DOCK5: variants seen among roughly 807,000 people sequenced by gnomAD.
DOCK5 encodes the protein dedicator of cytokinesis protein 5.
A neutral mutation model predicts 251.8 loss-of-function variants in DOCK5; 142 were observed. That is an observed-to-expected ratio of 0.56 (90% confidence interval 0.49 to 0.65). DOCK5 has a LOEUF of 0.65. Ranked by LOEUF, DOCK5 falls within the 30% of genes least tolerant of loss-of-function variation. The probability of loss-of-function intolerance (pLI) is 0.00; values close to 1 mark genes in which losing one functional copy is unlikely to be tolerated. For missense variants in DOCK5, 2,111 were observed against 2,312.3 expected, an observed-to-expected ratio of 0.91 and a Z score of 1.79; for synonymous variants, 842 against 835.5, an observed-to-expected ratio of 1.01 and a Z score of -0.13.
chr8:25,275,581 T>A, intron 4 of DOCK5, 140 bp downstream of exon 4: 1 of 808,526 alleles, frequency 1.2e-6, no homozygotes, highest in Non-Finnish European at 1.9e-6. Context: ...ACGCCTGTAA[T>A]CCCAGCACTT....
In DOCK5 at chr8:25,384,463, A is replaced by ATTTATTTATT. The variant is rs1400363524; in HGVS notation, c.4131+1688_4131+1689insATTTATTTTT. On this transcript the variant is annotated intron_variant, in intron 40 of 51. Coordinates refer to ENST00000276440, the MANE Select transcript of DOCK5 (RefSeq NM_024940.8). ...TATTTATTTATTTATTTATTTATTT[A>ATTTATTTATT]TTTTTTTTTTTTTTGAGACAGTGTC... Among the ~76,000 whole-genome samples the ATTTATTTATT allele has an allele frequency of 4.2e-4, 57 of 135,700 alleles. 1 individual carries two copies. The South Asian group carries it at 0.013, about 31-fold the overall frequency. 89.0% of individuals were successfully genotyped at this position (135,700 alleles called of 152,430 possible).
At chr8:25,395,994 G>T (rs1484201798) in intron 45 of DOCK5, 3 of 494,526 alleles carry the variant, frequency 6.1e-6, no homozygotes, top group Non-Finnish European at 1.1e-5. Context: ...TCCCCTGAGG[G>T]TTATACAAAC....
At chr8:25,235,677 G>A (rs146509515) in intron 1 of DOCK5, among the ~76,000 whole-genome samples, 1 of 152,018 alleles carries the variant, frequency 6.6e-6, no homozygotes, top group African/African-American at 2.4e-5. Context: ...CTGCCAGTGA[G>A]GCAATCAAGA....
At chr8:25,306,163 G>A (rs1804918610) in intron 11 of DOCK5, among the ~76,000 whole-genome samples, 1 of 151,420 alleles carries the variant, frequency 6.6e-6, no homozygotes, top group Non-Finnish European at 1.5e-5. Context: ...TAAAATATAA[G>A]GTAAAAATAG....
chr8:25,390,585 G>A (rs1485447823), intron 42 of DOCK5, among the ~76,000 whole-genome samples: 1 of 152,126 alleles, frequency 6.6e-6, no homozygotes, highest in Non-Finnish European at 1.5e-5. Flanking sequence ...AAAGGGATGT[G>A]GGGGTTTTGG....
At chr8:25,219,060 C>A (rs531326046) in intron 1 of DOCK5, among the ~76,000 whole-genome samples, 1 of 152,060 alleles carries the variant, frequency 6.6e-6, no homozygotes, top group African/African-American at 2.4e-5. Flanking sequence ...TGTGATTCAT[C>A]GGTTTTAGGC....
Position 25,378,107 on chromosome 8 carries a change from C to T in DOCK5, c.3936+683C>T, listed in dbSNP as rs1323958804. 2.6e-5 allele frequency among the ~76,000 whole-genome samples: 4 copies of T among 152,206 alleles called. No homozygotes were observed. The East Asian group carries it at 7.7e-4, about 29-fold the overall frequency. On this transcript the variant is annotated intron_variant, in intron 38 of 51. Coordinates refer to ENST00000276440, the MANE Select transcript of DOCK5 (RefSeq NM_024940.8). ...CTACACAATGAACTTGATCTTTAGC[C>T]TTCCTTTTGTCCCTGAAGATTGGGC...
At chr8:25,291,288 G>A (rs1453728097) in intron 5 of DOCK5, among the ~76,000 whole-genome samples, 1 of 152,078 alleles carries the variant, frequency 6.6e-6, no homozygotes, top group Non-Finnish European at 1.5e-5. Flanking sequence ...AGGGGAGGGT[G>A]TAGAAATGGC....
intron 1 of DOCK5, among the ~76,000 whole-genome samples, chr8:25,197,517 C>T (rs975711112): frequency 1.3e-5 from 2 of 151,108 alleles, no homozygotes; most frequent in African/African-American, 4.9e-5. Context: ...TGTCACTATC[C>T]ACATCAGATA....
intron 9 of DOCK5, among the ~76,000 whole-genome samples, chr8:25,302,047 C>G (rs138155549): frequency 1.3e-5 from 2 of 152,272 alleles, no homozygotes; most frequent in African/African-American, 2.4e-5. Context: ...CCTGCTTAAG[C>G]TGATGAACTG....
In DOCK5 at chr8:25,380,285, T is replaced by C. The variant is rs11989035; in HGVS notation, c.3937-20T>C. On this transcript the variant is annotated intron_variant, in intron 38 of 51. Transcript: ENST00000276440. ...ACTGCCTTGTTCTCCACTTTTAACC[T>C]TACTTTCCTTTTTCTGAAGATGTGG... 0.16 allele frequency: 250,962 copies of C among 1,596,396 alleles called. 22,065 individuals carry two copies. The highest frequency in any genetic ancestry group is 0.3 in the African/African-American group (22,237 of 74,620).
intron 5 of DOCK5, among the ~76,000 whole-genome samples, chr8:25,282,028 AC>A (rs1387561858): frequency 6.6e-6 from 1 of 152,214 alleles, no homozygotes; most frequent in Non-Finnish European, 1.5e-5. Context: ...TGACTAAAAG[AC>A]ATTCTTTGTA....
chr8:25,210,409 G>T (rs1802107719), intron 1 of DOCK5, among the ~76,000 whole-genome samples: 1 of 68,378 alleles, frequency 1.5e-5, no homozygotes, highest in African/African-American at 3.3e-5. Flanking sequence ...TGCTGTTGTC[G>T]AGTTGGGATG....
chr8:25,287,159 A>G (rs1804357150), intron 5 of DOCK5, among the ~76,000 whole-genome samples: 1 of 152,226 alleles, frequency 6.6e-6, no homozygotes, highest in African/African-American at 2.4e-5. Flanking sequence ...GACATTCTAA[A>G]AAAAGAAAAA....
At chr8:25,266,817 A>G (rs957556961) in intron 2 of DOCK5, among the ~76,000 whole-genome samples, 7 of 148,114 alleles carry the variant, frequency 4.7e-5, no homozygotes, top group Non-Finnish European at 7.4e-5. Context: ...ACACACCACA[A>G]TTCTAGAGAA....
intron 1 of DOCK5, among the ~76,000 whole-genome samples, chr8:25,216,003 G>A (rs1351204785): frequency 2.0e-5 from 3 of 149,688 alleles, no homozygotes; most frequent in African/African-American, 7.4e-5. Context: ...TCTGCATACA[G>A]TATGTATATA....
chr8:25,304,470 A>G, intron 11 of DOCK5, 143 bp downstream of exon 11: 4 of 668,648 alleles, frequency 6.0e-6, no homozygotes. Flanking sequence ...TAGGAGCTGA[A>G]CAGAAGACTT....
chr8:25,381,664 G>C lies in DOCK5; in HGVS notation c.4027-1010G>C, dbSNP rs79948992. On this transcript the variant is annotated intron_variant, in intron 39 of 51. Coordinates refer to ENST00000276440, the MANE Select transcript of DOCK5 (RefSeq NM_024940.8). ...AAAATTTCATCAACTGAACTGAGCT[G>C]AAATATTAGTAATGTAACATGTTAC... Among the ~76,000 whole-genome samples, 29 of 152,002 alleles carry C rather than the reference G, an allele frequency of 1.9e-4. No individual in the cohort carries two copies. In the East Asian group the frequency reaches 5.4e-3, roughly 28 times the overall value.
intron 22 of DOCK5, among the ~76,000 whole-genome samples, chr8:25,338,413 C>A (rs904662698): frequency 1.3e-5 from 2 of 152,092 alleles, no homozygotes; most frequent in Admixed American, 1.3e-4. Context: ...TGTTTTTATT[C>A]TTTCAGCATT....
Sources: allele counts gnomAD v4.1 joint callset (sites outside exome capture counted in the v4.1 genomes callset), GRCh38; gene constraint gnomAD v4.1.1; transcripts MANE v1.5; gene names NCBI Gene and HGNC (gene_info 2026-07-23, HGNC 2026-07-21).